SYNRG: variants seen among roughly 807,000 people sequenced by gnomAD.
SYNRG encodes the protein AP1 gamma subunit binding protein 1.
A neutral mutation model predicts 130.9 loss-of-function variants in SYNRG; 37 were observed. The observed-to-expected ratio is 0.28, with a 90% CI of 0.22 to 0.37. SYNRG has a LOEUF of 0.37. Among genes scored for constraint, SYNRG ranks in the 10% least tolerant of loss-of-function variants. The pLI, the probability that SYNRG is intolerant of heterozygous loss-of-function variation, is 1.00. For synonymous variants in SYNRG, 539 were observed against 568.1 expected, an observed-to-expected ratio of 0.95 and a Z score of 0.73; for missense variants, 1,338 against 1,588.9, an observed-to-expected ratio of 0.84 and a Z score of 2.68.
At chr17:37,560,797 C>T (rs1568389470) in intron 13 of SYNRG, among the ~76,000 whole-genome samples, 1 of 151,524 alleles carries the variant, frequency 6.6e-6, no homozygotes, top group South Asian at 2.1e-4. Flanking sequence ...CCCGAGTACC[C>T]GGGACTACAG....
chr17:37,566,440 G>T (rs965077644), intron 11 of SYNRG, among the ~76,000 whole-genome samples: 10 of 146,632 alleles, frequency 6.8e-5, no homozygotes, highest in Admixed American at 5.5e-4. Context: ...AAGGCAGCAT[G>T]CTCGTTAAGA....
In SYNRG at chr17:37,599,870, G is replaced by A. The variant is rs907196278; in HGVS notation, c.118+493C>T. Among the ~76,000 whole-genome samples the A allele has an allele frequency of 4.6e-5, 7 of 152,132 alleles. No individual in the cohort carries two copies. The East Asian group carries it at 1.2e-3, about 25-fold the overall frequency. ...TATCATATAGATAAAAAATAGCAGT[G>A]TAAAACAACTAAAGATGTTTGTTTA... is the stretch of plus-strand genomic sequence containing the variant. On this transcript the variant is annotated intron_variant, in intron 2 of 21. Coordinates refer to ENST00000612223, the MANE Select transcript of SYNRG (RefSeq NM_007247.6).
chr17:37,593,706 G>A (rs191124761), intron 3 of SYNRG, among the ~76,000 whole-genome samples: 9 of 152,136 alleles, frequency 5.9e-5, no homozygotes, highest in Non-Finnish European at 7.4e-5. Flanking sequence ...TCAACATGGC[G>A]AAACCCCATC....
chr17:37,566,110 G>A (rs1279107685), intron 11 of SYNRG, among the ~76,000 whole-genome samples: 3 of 152,220 alleles, frequency 2.0e-5, no homozygotes, highest in East Asian at 1.9e-4. Context: ...CCCTCTGCCC[G>A]GCCACCACCC....
At chr17:37,580,509 G>GAGAGAGAGAGAGAGAGAC (rs2061234275) in intron 6 of SYNRG, among the ~76,000 whole-genome samples, 1 of 97,408 alleles carries the variant, frequency 1.0e-5, no homozygotes, top group Non-Finnish European at 2.1e-5. Flanking sequence ...GTGTGTGTGT[G>GAGAGAGAGAGAGAGAGAC]TGAGAGAGAG....
intron 1 of SYNRG, chr17:37,600,666 T>A (rs2063190760): frequency 1.7e-6 from 1 of 573,982 alleles, no homozygotes; most frequent in Non-Finnish European, 3.1e-6. Context: ...CTCTCTGGAT[T>A]CCAGTTTCCC....
At chr17:37,569,694 A>C (rs112146787) in intron 10 of SYNRG, among the ~76,000 whole-genome samples, 2 of 146,360 alleles carry the variant, frequency 1.4e-5, no homozygotes, top group Non-Finnish European at 3.0e-5. Flanking sequence ...TCAAAATGCT[A>C]CAAAAAAAAA....
intron 19 of SYNRG, among the ~76,000 whole-genome samples, chr17:37,524,643 G>A (rs1179709276): frequency 2.0e-5 from 3 of 152,200 alleles, no homozygotes; most frequent in African/African-American, 7.2e-5. Flanking sequence ...TGTGGAAGAC[G>A]CTGGTGCTAA....
intron 17 of SYNRG, 42 bp from the exon 18 acceptor site, chr17:37,538,462 A>C: frequency 1.4e-6 from 2 of 1,413,836 alleles, no homozygotes; most frequent in Non-Finnish European, 2.0e-6. Context: ...AACTGAGAAA[A>C]GTCATTGCAA....
intron 1 of SYNRG, among the ~76,000 whole-genome samples, chr17:37,602,876 T>C (rs1285025065): frequency 2.0e-5 from 3 of 151,820 alleles, no homozygotes; most frequent in Admixed American, 2.0e-4. Flanking sequence ...ATACAAAAAT[T>C]AGCCAGGCGT....
Position 37,584,773 on chromosome 17 carries a change from A to G in SYNRG, c.478-14T>C. The stretch of plus-strand genomic sequence containing the variant: ...CTTCTCTCCTGTCTAAGAGACAACA[A>G]ATATATGCGTATTTCTTTACTTATC... On this transcript the variant is annotated splice_polypyrimidine_tract_variant and intron_variant, in intron 5 of 21. Coordinates refer to ENST00000612223, the MANE Select transcript of SYNRG (RefSeq NM_007247.6). The G allele has an allele frequency of 6.3e-7, 1 of 1,580,162 alleles. No homozygotes were observed. The highest frequency in any genetic ancestry group is 8.7e-7 in the Non-Finnish European group (1 of 1,150,854).
rs147396535 is a variant in SYNRG, at chr17:37,520,314, C to T, written c.3778-100G>A. On this transcript the variant is annotated intron_variant, in intron 20 of 21. Transcript: ENST00000612223. The stretch of plus-strand genomic sequence containing the variant: ...GGTTCACCCTTTTCCCCTGACCTCC[C>T]CACTATGCACAGGGTGCTGCAGGCA... 7.4e-4 allele frequency: 1,088 copies of T among 1,478,800 alleles called. No individual in the cohort carries two copies. The highest frequency in any genetic ancestry group is 9.0e-4 in the Non-Finnish European group (950 of 1,061,188). The allele number at this position is 1,478,800 out of a possible 1,614,324, so 91.6% of individuals were successfully genotyped here.
rs529531834 is a variant in SYNRG at position 37,518,355 on chromosome 17, G to C, written c.*585C>G. On this transcript the variant is annotated 3_prime_UTR_variant, in exon 22 of 22. Coordinates refer to ENST00000612223, the MANE Select transcript of SYNRG (RefSeq NM_007247.6). ...GACAGAAGTGAAGGGAAGGAGTAGA[G>C]AACTGGTTCAGTTGTGACAACCAAG... 2 of 152,454 alleles carry C rather than the reference G, an allele frequency of 1.3e-5. No homozygotes were observed. Among genetic ancestry groups the C allele is most frequent in the South Asian group, 4.1e-4 (2 of 4,830 alleles). The allele number at this position is 152,454 out of a possible 1,614,324, so 9.4% of individuals were successfully genotyped here.
intron 1 of SYNRG, chr17:37,605,682 G>A (rs1164786186): frequency 1.1e-5 from 3 of 267,572 alleles, no homozygotes; most frequent in Non-Finnish European, 1.7e-5. Flanking sequence ...GGTTAGATAA[G>A]CAGTTAAGGC....
rs182152639 is a variant in SYNRG at position 37,607,625 on chromosome 17, C to T, written c.77+1654G>A. ...CTAACATGGTGAAACCCCGTCTCTA[C>T]TAAAAATACAGAAATTAGCTGGGCG... is the stretch of plus-strand genomic sequence containing the variant. On this transcript the variant is annotated intron_variant, in intron 1 of 21. Coordinates refer to ENST00000612223, the MANE Select transcript of SYNRG (RefSeq NM_007247.6). Among the ~76,000 whole-genome samples the T allele has an allele frequency of 4.8e-3, 725 of 152,280 alleles. 1 individual carries two copies. The highest frequency in any genetic ancestry group is 7.9e-3 in the Non-Finnish European group (537 of 68,018).
At chr17:37,529,555 A>G (rs1229466078) in intron 19 of SYNRG, among the ~76,000 whole-genome samples, 2 of 143,816 alleles carry the variant, frequency 1.4e-5, no homozygotes, top group Non-Finnish European at 3.1e-5. Flanking sequence ...AAAAAAAAAA[A>G]GAAAAGAAAA....
At chr17:37,560,583 C>T (rs967094857) in intron 13 of SYNRG, among the ~76,000 whole-genome samples, 4 of 151,914 alleles carry the variant, frequency 2.6e-5, no homozygotes, top group Non-Finnish European at 5.9e-5. Context: ...AGGTGATCCG[C>T]CCACATCGGC....
chr17:37,572,288 G>A (rs184703227), intron 8 of SYNRG, among the ~76,000 whole-genome samples: 15 of 152,142 alleles, frequency 9.9e-5, no homozygotes, highest in Non-Finnish European at 1.3e-4. Flanking sequence ...TTAGCCACAC[G>A]TGGTGGCATG....
chr17:37,575,259 G>A (rs183918349), intron 8 of SYNRG, among the ~76,000 whole-genome samples: 1 of 152,160 alleles, frequency 6.6e-6, no homozygotes, highest in East Asian at 1.9e-4. Flanking sequence ...GGTAGCTACA[G>A]TCAACAATAA....
Sources: gnomAD v4.1 joint callset for allele counts (sites outside exome capture counted in the v4.1 genomes callset) on GRCh38, gnomAD v4.1.1 for gene constraint, MANE v1.5 for transcripts, NCBI Gene and HGNC (gene_info 2026-07-23, HGNC 2026-07-21) for gene names.